ADGRA3: variants seen among roughly 807,000 people sequenced by gnomAD.
ADGRA3 encodes adhesion G protein-coupled receptor A3.
In ADGRA3, 56 loss-of-function variants were observed where a neutral mutation model predicts 119.8. The observed-to-expected ratio is 0.47, with a 90% confidence interval of 0.38 to 0.58. ADGRA3 has a LOEUF of 0.58. ADGRA3 is among the 20% of genes least tolerant of loss of function. The pLI is 0.00. For missense variants in ADGRA3, 1,516 were observed against 1,649.0 expected (o/e 0.92, Z 1.40); for synonymous variants, 607 against 623.8 (o/e 0.97, Z 0.40).
rs145912220 is a variant in ADGRA3 at position 22,392,599 on chromosome 4, G to A, written c.2573C>T (p.Ala858Val). ...TTCATCAGGATCCTGGCATCTTTTA[G>A]CTTTTTTAGTGACTTGTTTGTAGAT... is the stretch of plus-strand genomic sequence containing the variant. The part of the protein sequence containing the change: ...RNIYKQVTKK[A>V]KRCQDPDEPP... The change falls in exon 17 of 19, where the codon GCT (alanine) becomes GTT (valine). Residue 858 changes from alanine to valine, a missense_variant. By Grantham distance (64) the Ala-to-Val change is moderately conservative. Around this residue, in one of 2 missense-constraint regions of ADGRA3, gnomAD observed 1,088 missense variants for 1,107.1 expected, o/e 0.98. Transcript: ENST00000334304. The A allele has an allele frequency of 2.5e-4, 401 of 1,613,728 alleles. No homozygotes were observed. Among genetic ancestry groups the A allele is most frequent in the Non-Finnish European group, 3.3e-4 (386 of 1,179,862 alleles).
At chr4:22,507,622 C>T (rs1275596120) in intron 1 of ADGRA3, among the ~76,000 whole-genome samples, 6 of 152,160 alleles carry the variant, frequency 3.9e-5, no homozygotes, top group Non-Finnish European at 5.9e-5. Flanking sequence ...AACCCACCAA[C>T]TTCTCCTGGT....
intron 1 of ADGRA3, among the ~76,000 whole-genome samples, chr4:22,497,006 G>A (rs1181113035): frequency 5.3e-5 from 8 of 152,184 alleles, no homozygotes; most frequent in Admixed American, 2.6e-4. Context: ...TGGTTCTACC[G>A]CAGAAACCAT....
At chr4:22,501,140 C>T (rs1719035667) in intron 1 of ADGRA3, among the ~76,000 whole-genome samples, 2 of 152,162 alleles carry the variant, frequency 1.3e-5, no homozygotes, top group Non-Finnish European at 2.9e-5. Flanking sequence ...ACCATGTGAG[C>T]CAACACCTAC....
rs773222299 is a variant in ADGRA3, at chr4:22,388,005, T to C, written c.3666A>G (p.Arg1222=). The C allele has an allele frequency of 6.2e-7, 1 of 1,614,170 alleles. No individual in the cohort carries two copies. Among genetic ancestry groups the C allele is most frequent in the East Asian group, 2.2e-5 (1 of 44,862 alleles). ...GNNEGHSRSR[R]AYLAYRERQY... ...GTCTCTCTCTGTAGGCTAAATAAGC[T>C]CTTCGGCTCCTCGAGTGTCCTTCGT... is the stretch of plus-strand genomic sequence containing the variant. Residue 1222 remains arginine, a synonymous_variant, in exon 19 of 19, where the codon AGA becomes AGG. Transcript: ENST00000334304.
chr4:22,428,637 T>C (rs1716038343), intron 10 of ADGRA3, among the ~76,000 whole-genome samples: 2 of 152,196 alleles, frequency 1.3e-5, no homozygotes, highest in South Asian at 4.1e-4. Flanking sequence ...CTTCACGATG[T>C]TCTCCTAGTT....
At chr4:22,445,664 T>C (rs985916657) in intron 5 of ADGRA3, among the ~76,000 whole-genome samples, 1 of 152,204 alleles carries the variant, frequency 6.6e-6, no homozygotes, top group Admixed American at 6.5e-5. Flanking sequence ...TGAACTTCCC[T>C]AGGGTAGGGA....
chr4:22,466,266 C>T (rs1248458600), intron 2 of ADGRA3, among the ~76,000 whole-genome samples: 1 of 152,176 alleles, frequency 6.6e-6, no homozygotes, highest in Non-Finnish European at 1.5e-5. Context: ...ACCAGTCATA[C>T]TGCAAGATGT....
intron 14 of ADGRA3, among the ~76,000 whole-genome samples, chr4:22,408,325 G>A (rs1715039784): frequency 7.6e-6 from 1 of 132,244 alleles, no homozygotes; most frequent in East Asian, 2.3e-4. Context: ...AAGAAACTCT[G>A]TTCATAAAAA....
At chr4:22,410,787 CTT>C (rs1421077912) in intron 14 of ADGRA3, among the ~76,000 whole-genome samples, 2 of 152,054 alleles carry the variant, frequency 1.3e-5, no homozygotes, top group African/African-American at 4.8e-5. Flanking sequence ...CATGCAGTAA[CTT>C]TAATTTTGTC....
intron 10 of ADGRA3, among the ~76,000 whole-genome samples, chr4:22,425,802 C>G (rs1450084798): frequency 1.3e-5 from 2 of 152,132 alleles, no homozygotes; most frequent in Non-Finnish European, 2.9e-5. Context: ...TCCATCCCAC[C>G]CTGGTTCACT....
intron 14 of ADGRA3, among the ~76,000 whole-genome samples, chr4:22,411,636 T>TA (rs1477258901): frequency 2.6e-5 from 4 of 152,014 alleles, no homozygotes; most frequent in African/African-American, 9.7e-5. Flanking sequence ...GACTACACAA[T>TA]AATAAAATGT....
intron 10 of ADGRA3, among the ~76,000 whole-genome samples, chr4:22,426,346 T>A (rs1715931094): frequency 6.6e-6 from 1 of 152,194 alleles, no homozygotes; most frequent in Non-Finnish European, 1.5e-5. Flanking sequence ...AATGTAAACA[T>A]CTTGAGGGTA....
At chr4:22,462,368 C>A (rs908258897) in intron 2 of ADGRA3, among the ~76,000 whole-genome samples, 11 of 152,068 alleles carry the variant, frequency 7.2e-5, no homozygotes, top group Admixed American at 2.6e-4. Flanking sequence ...GGCTGGAGTG[C>A]AGTGGCGTGA....
intron 16 of ADGRA3, among the ~76,000 whole-genome samples, chr4:22,400,564 C>T (rs1714587523): frequency 6.6e-6 from 1 of 152,018 alleles, no homozygotes; most frequent in Non-Finnish European, 1.5e-5. Flanking sequence ...GGTCGTTGTT[C>T]AATGCATACC....
rs140566774 is a variant in ADGRA3, at chr4:22,502,882, C to T, written c.257+12646G>A. 5.8e-3 allele frequency among the ~76,000 whole-genome samples: 731 copies of T among 126,522 alleles called. 8 individuals carry two copies. The highest frequency in any genetic ancestry group is 0.021 in the African/African-American group (694 of 32,716). The allele number at this position is 126,522 out of a possible 152,430, so 83.0% of individuals were successfully genotyped here. On this transcript the variant is annotated intron_variant, in intron 1 of 18. Coordinates refer to ENST00000334304, the MANE Select transcript of ADGRA3 (RefSeq NM_145290.4). Reference sequence around the variant, plus strand: ...AGACTAATGCAAGATTCTGACCAGTCCTACTTAAGGGAAAAAAAAAAAAAA... The same window carrying T: ...AGACTAATGCAAGATTCTGACCAGTTCTACTTAAGGGAAAAAAAAAAAAAA...
chr4:22,389,200 C>A lies in ADGRA3; in HGVS notation c.2628-17G>T, dbSNP rs769150509. 2.6e-6 allele frequency: 4 copies of A among 1,514,726 alleles called. No individual in the cohort carries two copies. In the East Asian group the frequency reaches 9.0e-5, roughly 34 times the overall value. 93.8% of individuals were successfully genotyped at this position (1,514,726 alleles called of 1,614,324 possible). On this transcript the variant is annotated splice_polypyrimidine_tract_variant and intron_variant, in intron 17 of 18. Transcript: ENST00000334304. ...AGGTAAAATCTAGAAGGAGGAATCA[C>A]AGGAAAAACCACTCATCATTCCATT...
At chr4:22,439,425 C>T (rs1291528873) in intron 7 of ADGRA3, among the ~76,000 whole-genome samples, 1 of 152,194 alleles carries the variant, frequency 6.6e-6, no homozygotes, top group East Asian at 1.9e-4. Flanking sequence ...ATTTCCCCCA[C>T]AGGACCCAGT....
intron 14 of ADGRA3, among the ~76,000 whole-genome samples, chr4:22,404,729 G>A (rs1714826048): frequency 6.6e-6 from 1 of 151,812 alleles, no homozygotes; most frequent in African/African-American, 2.4e-5. Flanking sequence ...TTGCCTTTGT[G>A]AGATGCCCGT....
chr4:22,507,398 G>A (rs1719280257), intron 1 of ADGRA3, among the ~76,000 whole-genome samples: 1 of 152,150 alleles, frequency 6.6e-6, no homozygotes, highest in Non-Finnish European at 1.5e-5. Context: ...CTTCCTGAGA[G>A]GCAGCTGAAT....
Sources: allele counts gnomAD v4.1 joint callset (sites outside exome capture counted in the v4.1 genomes callset), GRCh38; gene constraint gnomAD v4.1.1; regional missense constraint gnomAD v4.1.1; transcripts MANE v1.5; gene names NCBI Gene and HGNC (gene_info 2026-07-23, HGNC 2026-07-21).